Variants in SGCD observed in about 807,000 individuals in gnomAD.
SGCD encodes sarcoglycan delta, also known as delta-sarcoglycan.
A neutral mutation model predicts 36.6 loss-of-function variants in SGCD; 18 were observed. The ratio of observed to expected loss-of-function variants is 0.49; its 90% CI spans 0.34 to 0.73. The LOEUF (loss-of-function observed/expected upper bound fraction) is 0.73. Among genes scored for constraint, SGCD ranks in the 30% least tolerant of loss-of-function variants. The pLI, the probability that SGCD is intolerant of heterozygous loss-of-function variation, is 0.01. For synonymous variants in SGCD, 133 were observed against 130.6 expected, an observed-to-expected ratio of 1.02 and a Z score of -0.12; for missense variants, 387 against 346.7, an observed-to-expected ratio of 1.12 and a Z score of -0.92.
intron 3 of SGCD, among the ~76,000 whole-genome samples, chr5:156,442,048 T>C (rs563543020): frequency 2.6e-5 from 4 of 152,306 alleles, no homozygotes; most frequent in Admixed American, 2.6e-4. Flanking sequence ...TGGCCTCAAA[T>C]AATGGTGTAC....
At chr5:156,368,235 C>T (rs1040988953) in intron 3 of SGCD, among the ~76,000 whole-genome samples, 17 of 152,080 alleles carry the variant, frequency 1.1e-4, no homozygotes, top group East Asian at 3.9e-4. Context: ...GGATTACAGG[C>T]GCCTGCCACC....
At chr5:156,606,552 C>T (rs1471541813) in intron 6 of SGCD, among the ~76,000 whole-genome samples, 1 of 152,058 alleles carries the variant, frequency 6.6e-6, no homozygotes, top group Non-Finnish European at 1.5e-5. Flanking sequence ...TCCATATGAA[C>T]TTTAAAGTAG....
At chr5:155,791,500 A>G in the SGCD span, among the ~76,000 whole-genome samples, 1 of 152,154 alleles carries the variant, frequency 6.6e-6, no homozygotes, top group African/African-American at 2.4e-5. Flanking sequence ...GGTTCTATAC[A>G]TAGAAAACCC....
intron 3 of SGCD, among the ~76,000 whole-genome samples, chr5:156,401,901 G>T (rs1772171564): frequency 6.6e-6 from 1 of 152,020 alleles, no homozygotes; most frequent in Non-Finnish European, 1.5e-5. Context: ...ATCATCTCAA[G>T]CTGAAACTCT....
At chr5:155,741,462 C>A in the SGCD span, among the ~76,000 whole-genome samples, 17 of 152,044 alleles carry the variant, frequency 1.1e-4, no homozygotes, top group East Asian at 3.1e-3. Flanking sequence ...TCTTTCAGGG[C>A]CTACTATCTG....
chr5:156,029,968 A>G (rs1759309497), intron 1 of SGCD, among the ~76,000 whole-genome samples: 1 of 152,140 alleles, frequency 6.6e-6, no homozygotes, highest in African/African-American at 2.4e-5. Context: ...TCCAGCCCTC[A>G]TAAACCTACC....
intron 8 of SGCD, among the ~76,000 whole-genome samples, chr5:156,758,444 T>TATC (rs1757419158): frequency 6.6e-6 from 1 of 152,092 alleles, no homozygotes; most frequent in Non-Finnish European, 1.5e-5. Context: ...TGAGAGAGGT[T>TATC]ATCAGTCTCT....
intron 3 of SGCD, among the ~76,000 whole-genome samples, chr5:156,170,486 C>G (rs1292486749): frequency 6.6e-6 from 1 of 152,070 alleles, no homozygotes; most frequent in East Asian, 1.9e-4. Context: ...GTTCCTATAC[C>G]AGGGGTGAAA....
chr5:156,463,623 C>CTT, intron 3 of SGCD, among the ~76,000 whole-genome samples: 1 of 152,090 alleles, frequency 6.6e-6, no homozygotes, highest in South Asian at 2.1e-4. Flanking sequence ...CTCCTAATAT[C>CTT]AAGAGCATAA....
chr5:156,645,317 G>T (rs1763186908), intron 6 of SGCD, among the ~76,000 whole-genome samples: 1 of 152,142 alleles, frequency 6.6e-6, no homozygotes, highest in African/African-American at 2.4e-5. Context: ...GAGAGAGGAT[G>T]GGATGGGGAA....
the SGCD span, among the ~76,000 whole-genome samples, chr5:155,766,358 G>A: frequency 6.6e-6 from 1 of 152,158 alleles, no homozygotes; most frequent in Admixed American, 6.5e-5. Flanking sequence ...CTTCTTCAAT[G>A]GCAGCTGTCT....
chr5:156,248,079 G>A (rs565363859), intron 3 of SGCD, among the ~76,000 whole-genome samples: 15 of 152,272 alleles, frequency 9.9e-5, no homozygotes, highest in African/African-American at 3.4e-4. Context: ...GTTCTAAAAT[G>A]TAAGAGTTAC....
chr5:156,598,328 G>A (rs1048769068), intron 6 of SGCD, among the ~76,000 whole-genome samples: 10 of 152,104 alleles, frequency 6.6e-5, no homozygotes, highest in Non-Finnish European at 1.5e-4. Context: ...TGGATCATGA[G>A]GTCAGGATTT....
chr5:155,956,838 TC>T (rs966763035), intron 1 of SGCD, among the ~76,000 whole-genome samples: 56 of 145,360 alleles, frequency 3.9e-4, no homozygotes, highest in African/African-American at 1.4e-3. Flanking sequence ...AATCTCGAGA[TC>T]CTTTACTTAG....
chr5:155,748,869 T>C, the SGCD span, among the ~76,000 whole-genome samples: 1 of 152,212 alleles, frequency 6.6e-6, no homozygotes, highest in East Asian at 1.9e-4. Context: ...CTGTGAGTCA[T>C]AGGCACGACT....
intron 4 of SGCD, among the ~76,000 whole-genome samples, chr5:156,554,158 C>A (rs1758908324): frequency 6.6e-6 from 1 of 152,028 alleles, no homozygotes; most frequent in Non-Finnish European, 1.5e-5. Context: ...GAGTTTGAGA[C>A]CAGCCTGGCC....
At chr5:155,751,770 G>A in the SGCD span, among the ~76,000 whole-genome samples, 22 of 151,566 alleles carry the variant, frequency 1.5e-4, no homozygotes, top group Admixed American at 1.0e-3. Flanking sequence ...AAGAACCAAC[G>A]TTCTGCTCTT....
chr5:155,927,612 T>A (rs1033122737), intron 1 of SGCD, among the ~76,000 whole-genome samples: 2 of 152,178 alleles, frequency 1.3e-5, no homozygotes, highest in African/African-American at 4.8e-5. Context: ...CTAGGGTGAA[T>A]ATAAAGTAGT....
At chr5:155,755,523 A>G in the SGCD span, among the ~76,000 whole-genome samples, 1 of 152,228 alleles carries the variant, frequency 6.6e-6, no homozygotes, top group Non-Finnish European at 1.5e-5. Context: ...GCATGTTGTC[A>G]TAGCTGAAGG....
Sources: gnomAD v4.1 joint callset for allele counts (sites outside exome capture counted in the v4.1 genomes callset) on GRCh38, gnomAD v4.1.1 for gene constraint, MANE v1.5 for transcripts, NCBI Gene and HGNC (gene_info 2026-07-23, HGNC 2026-07-21) for gene names.